Variants in D2HGDH observed in about 807,000 individuals in gnomAD.
D2HGDH encodes the protein D-2-hydroxyglutarate dehydrogenase, also known as D-2-hydroxyglutarate dehydrogenase, mitochondrial.
Under a neutral mutation model 46.9 loss-of-function variants are expected in D2HGDH, and 31 were observed. The observed-to-expected ratio is 0.66, with a 90% confidence interval of 0.50 to 0.89. D2HGDH has a LOEUF of 0.89. Ranked by LOEUF, D2HGDH falls within the 40% of genes least tolerant of loss-of-function variation. The probability of loss-of-function intolerance (pLI) is 0.00; values close to 1 mark genes in which losing one functional copy is unlikely to be tolerated. For synonymous variants in D2HGDH, 364 were observed against 332.6 expected (o/e 1.09, Z -1.03); for missense variants, 698 against 720.8 (o/e 0.97, Z 0.36).
chr2:241,745,356 ACTT>A (rs571238125), intron 6 of D2HGDH, among the ~76,000 whole-genome samples: 104 of 152,246 alleles, frequency 6.8e-4, no homozygotes, highest in African/African-American at 2.4e-3. Flanking sequence ...ACTCACAGCC[ACTT>A]CTTCGGTTCT....
intron 9 of D2HGDH, among the ~76,000 whole-genome samples, chr2:241,764,858 G>A (rs1464956878): frequency 6.6e-6 from 1 of 152,228 alleles, no homozygotes; most frequent in African/African-American, 2.4e-5. Flanking sequence ...AGGTGGGGCG[G>A]GGTCCTCACT....
chr2:241,748,904 G>A, intron 6 of D2HGDH: 1 of 1,298,212 alleles, frequency 7.7e-7, no homozygotes, highest in South Asian at 1.2e-5. Flanking sequence ...GGGAGCCCGA[G>A]GCCAGCCCGG....
At chr2:241,759,205 A>G (rs910808231) in intron 9 of D2HGDH, among the ~76,000 whole-genome samples, 85 of 152,296 alleles carry the variant, frequency 5.6e-4, no homozygotes, top group African/African-American at 2.0e-3. Flanking sequence ...GTACAGATCC[A>G]TCAGATAGAA....
Position 241,743,861 on chromosome 2 carries a change from C to A in D2HGDH, c.684+46C>A. 6.5e-7 allele frequency: 1 copy of A among 1,544,660 alleles called. No homozygotes were observed. ...GGTGCAGAGGTCGCCACGGGGTGTC[C>A]TCTCACGGCTCTCATGGGCCCACGT... is the stretch of plus-strand genomic sequence containing the variant. On this transcript the variant is annotated intron_variant, in intron 5 of 9. Coordinates refer to ENST00000321264, the MANE Select transcript of D2HGDH (RefSeq NM_152783.5). This position sits in a 1 kb window ranked among gnomAD's most constrained non-coding sequence, Gnocchi z 4.8.
At chr2:241,748,961 T>G (rs756691232) in intron 6 of D2HGDH, 2 of 1,277,874 alleles carry the variant, frequency 1.6e-6, no homozygotes, top group South Asian at 2.5e-5. Context: ...CAGGAGTCAC[T>G]CGCCTCTTCG....
At chr2:241,749,315 T>C in intron 6 of D2HGDH, 1 of 1,288,682 alleles carries the variant, frequency 7.8e-7, no homozygotes, top group Non-Finnish European at 1.0e-6. Flanking sequence ...GCCCCCAGCC[T>C]CTGCGCCTGT....
intron 9 of D2HGDH, among the ~76,000 whole-genome samples, chr2:241,756,852 G>T (rs1261961906): frequency 1.3e-5 from 2 of 152,112 alleles, no homozygotes; most frequent in East Asian, 1.9e-4. Flanking sequence ...GAGCCTTGGA[G>T]CGAGGTGTCT....
chr2:241,755,345 C>A (rs756511590), intron 8 of D2HGDH: 1 of 1,304,116 alleles, frequency 7.7e-7, no homozygotes, highest in South Asian at 1.2e-5. Flanking sequence ...GTTGTCCCCA[C>A]TGCCTGTGTG....
chr2:241,738,541 G>A (rs1004163966), intron 2 of D2HGDH, among the ~76,000 whole-genome samples: 1 of 152,166 alleles, frequency 6.6e-6, no homozygotes, highest in Non-Finnish European at 1.5e-5. Flanking sequence ...GGACCTCCCC[G>A]GGGCATGCAG....
At chr2:241,744,980 C>CCCG (rs1559365370) in intron 6 of D2HGDH, 103 bp downstream of exon 6, 10 of 1,483,818 alleles carry the variant, frequency 6.7e-6, no homozygotes, top group South Asian at 3.5e-5. Context: ...GGACCCCCCG[C>CCCG]CAAGGACAGT....
At chr2:241,749,028 C>T in intron 6 of D2HGDH, 1 of 911,446 alleles carries the variant, frequency 1.1e-6, no homozygotes, top group Non-Finnish European at 1.2e-6. Context: ...GTCCTGGTGT[C>T]CCTCGTGCTC....
intron 7 of D2HGDH, among the ~76,000 whole-genome samples, chr2:241,750,581 T>C (rs1375492112): frequency 6.6e-6 from 1 of 152,268 alleles, no homozygotes; most frequent in Admixed American, 6.5e-5. Context: ...CTATTTTTGG[T>C]GAGCTGGGAG....
intron 9 of D2HGDH, among the ~76,000 whole-genome samples, chr2:241,762,196 C>T (rs1328087131): frequency 1.3e-5 from 2 of 151,586 alleles, no homozygotes; most frequent in Admixed American, 6.6e-5. Flanking sequence ...CTCAGCCTCC[C>T]GAGCAGCTGG....
Position 241,742,690 on chromosome 2 carries a change from G to T in D2HGDH, c.490+116G>T, listed in dbSNP as rs958558467. On this transcript the variant is annotated intron_variant, in intron 4 of 9. Coordinates refer to ENST00000321264, the MANE Select transcript of D2HGDH (RefSeq NM_152783.5). This position sits in a 1 kb window ranked among gnomAD's most constrained non-coding sequence, Gnocchi z 4.8. ...GGTGGGTGAATGAGTTAGGGCCGGC[G>T]CTGGGGAAAGAACCAGCGTCTGTAG... The T allele has an allele frequency of 5.9e-6, 8 of 1,361,766 alleles. No homozygotes were observed. In the African/African-American group the frequency reaches 1.0e-4, roughly 17 times the overall value. 84.4% of individuals were successfully genotyped at this position (1,361,766 alleles called of 1,614,324 possible).
intron 2 of D2HGDH, among the ~76,000 whole-genome samples, chr2:241,738,633 AG>A (rs531549749): frequency 1.1e-4 from 17 of 152,188 alleles, no homozygotes; most frequent in Non-Finnish European, 1.5e-4. Context: ...TGACTGGGCA[AG>A]AACTGGCTGT....
At chr2:241,737,887 G>A (rs930129855) in intron 2 of D2HGDH, among the ~76,000 whole-genome samples, 2 of 152,208 alleles carry the variant, frequency 1.3e-5, no homozygotes, top group Admixed American at 6.5e-5. Context: ...AGGGTGTGCT[G>A]TCATTGGGAA....
At chr2:241,749,527 C>A in intron 6 of D2HGDH, 1 of 451,450 alleles carries the variant, frequency 2.2e-6, no homozygotes, top group Non-Finnish European at 3.7e-6. Context: ...ACTGGTAGCC[C>A]CCACCAACCC....
intron 9 of D2HGDH, among the ~76,000 whole-genome samples, chr2:241,764,519 G>A (rs889689378): frequency 1.3e-5 from 2 of 152,256 alleles, no homozygotes; most frequent in African/African-American, 4.8e-5. Context: ...GTGGCATCTC[G>A]GAGGAGGCAG....
Position 241,750,196 on chromosome 2 carries a change from A to G in D2HGDH, c.899A>G (p.Lys300Arg), listed in dbSNP as rs779976615. The G allele has an allele frequency of 2.4e-5, 39 of 1,613,998 alleles. No homozygotes were observed. Among genetic ancestry groups the G allele is most frequent in the Middle Eastern group, 3.3e-4 (2 of 6,076 alleles). Residue 300 changes from lysine to arginine, a missense_variant, in exon 7 of 10, where the codon AAG (lysine) becomes AGG (arginine). Physicochemically the swap from Lys to Arg is conservative, Grantham distance 26. Transcript: ENST00000321264. ...AEVLQTFSTCKGMLGEILSAF... is the reference protein window; with the variant it reads ...AEVLQTFSTCRGMLGEILSAF... Reference sequence around the variant, plus strand: ...GTTCTGCAGACCTTCAGCACCTGCAAGGGGATGCTGGGTGAGATCCTGTCT... The same window carrying G: ...GTTCTGCAGACCTTCAGCACCTGCAGGGGGATGCTGGGTGAGATCCTGTCT...
Sources: gnomAD v4.1 joint callset for allele counts (sites outside exome capture counted in the v4.1 genomes callset) on GRCh38, gnomAD v4.1.1 for gene constraint, Gnocchi (gnomAD v3.1) non-coding constraint, MANE v1.5 for transcripts, NCBI Gene and HGNC (gene_info 2026-07-23, HGNC 2026-07-21) for gene names.